The following WDR17 variants were observed in gnomAD, a reference collection of about 807,000 sequenced individuals.
WDR17 encodes the protein WD repeat domain 17.
A neutral mutation model predicts 161.7 loss-of-function variants in WDR17; 143 were observed. That is an observed-to-expected ratio of 0.88 (90% CI 0.77 to 1.02). WDR17 has a LOEUF of 1.02. WDR17 is among the 50% of genes least tolerant of loss of function. The pLI, the probability that WDR17 is intolerant of heterozygous loss-of-function variation, is 0.00. For missense variants in WDR17, 1,469 were observed against 1,520.9 expected, an observed-to-expected ratio of 0.97 and a Z score of 0.57; for synonymous variants, 517 against 515.6, an observed-to-expected ratio of 1.00 and a Z score of -0.04.
chr4:176,104,998 A>ACTATTTGTG (rs1191148671), intron 1 of WDR17, among the ~76,000 whole-genome samples: 1 of 152,002 alleles, frequency 6.6e-6, no homozygotes, highest in African/African-American at 2.4e-5. Flanking sequence ...TTCACTTGAG[A>ACTATTTGTG]TCCAAAGACA....
Position 176,163,288 on chromosome 4 carries a change from AG to A in WDR17, c.2986del (p.Val996TyrfsTer10), listed in dbSNP as rs1444853375. ...LLARKCMMIS[V>X]WNLAADLLLM... is the part of the protein sequence containing the mutation. ...TGGCGAGAAAGTGCATGATGATTTC[AG>A]TATGGTAAGAATTTTGAAATTCAAA... On this transcript the variant is annotated frameshift_variant, in exon 22 of 29. Transcript: ENST00000508596. LOFTEE classifies it high-confidence loss of function. The A allele has an allele frequency of 1.9e-6, 3 of 1,598,908 alleles. No homozygotes were observed. The highest frequency in any genetic ancestry group is 2.6e-6 in the Non-Finnish European group (3 of 1,175,630).
At chr4:176,118,235 T>C (rs1740948086) in intron 3 of WDR17, among the ~76,000 whole-genome samples, 1 of 152,182 alleles carries the variant, frequency 6.6e-6, no homozygotes, top group Non-Finnish European at 1.5e-5. Flanking sequence ...GTGTTTTCTA[T>C]TATTATTATA....
chr4:176,074,815 T>TG (rs1216146392), intron 1 of WDR17, among the ~76,000 whole-genome samples: 1,609 of 146,670 alleles, frequency 0.011, 13 homozygotes, highest in Non-Finnish European at 0.018. Context: ...TAATGCTTTT[T>TG]TTTTTTTTTT....
At chr4:176,158,930 TTCTA>T (rs1748573017) in intron 18 of WDR17, among the ~76,000 whole-genome samples, 1 of 152,186 alleles carries the variant, frequency 6.6e-6, no homozygotes, top group Non-Finnish European at 1.5e-5. Context: ...AGATTATTAT[TTCTA>T]ACCAGCTTCT....
intron 1 of WDR17, among the ~76,000 whole-genome samples, chr4:176,076,756 A>G (rs1398623098): frequency 6.6e-6 from 1 of 151,914 alleles, no homozygotes; most frequent in Non-Finnish European, 1.5e-5. Flanking sequence ...CTTAGCTGAT[A>G]GTATGTTCAT....
rs1749285461 is a variant in WDR17, at chr4:176,163,144, A to G, written c.2851-10A>G. 3 of 1,614,076 alleles carry G rather than the reference A, an allele frequency of 1.9e-6. No homozygotes were observed. The highest frequency in any genetic ancestry group is 2.5e-6 in the Non-Finnish European group (3 of 1,179,966). On this transcript the variant is annotated splice_polypyrimidine_tract_variant and intron_variant, in intron 21 of 28. Coordinates refer to ENST00000508596, the MANE Select transcript of WDR17 (RefSeq NM_181265.4). ...ATGCAACTGAAGAAATTATTTTCTT[A>G]TTGAGCAAGCTTGCTATGGCATACC...
rs1401283572 is a variant in WDR17 at position 176,128,782 on chromosome 4, A to G, written c.835A>G (p.Thr279Ala). 2.5e-6 allele frequency: 4 copies of G among 1,605,594 alleles called. No individual in the cohort carries two copies. The highest frequency in any genetic ancestry group is 2.5e-6 in the Non-Finnish European group (3 of 1,176,904). Residue 279 changes from threonine (T) to alanine (A), a missense_variant, in exon 6 of 29, where the codon ACA becomes GCA. Coordinates refer to ENST00000508596, the MANE Select transcript of WDR17 (RefSeq NM_181265.4). ...ACGCATTTGGAATGTTTCAAGAACA[A>G]CACCTATTGATAATCTTAAATTAAA... is the stretch of plus-strand genomic sequence containing the variant. Reference protein sequence around the residue: ...VLRIWNVSRTTPIDNLKLKKT... With the variant: ...VLRIWNVSRTAPIDNLKLKKT...
chr4:176,130,642 G>A (rs1362368252), intron 6 of WDR17, among the ~76,000 whole-genome samples: 2 of 151,742 alleles, frequency 1.3e-5, no homozygotes, highest in Non-Finnish European at 1.5e-5. Flanking sequence ...CTACTGGGGA[G>A]GCTGAGGCAA....
chr4:176,150,376 A>G lies in WDR17; in HGVS notation c.2179-92A>G. Reference sequence around the variant, plus strand: ...AGTTATTTTGTTAATTTTTAAATTTAGATATGCCTGCATTATAATATTTTT... The same window carrying G: ...AGTTATTTTGTTAATTTTTAAATTTGGATATGCCTGCATTATAATATTTTT... On this transcript the variant is annotated intron_variant, in intron 15 of 28. Coordinates refer to ENST00000508596, the MANE Select transcript of WDR17 (RefSeq NM_181265.4). The G allele has an allele frequency of 3.3e-6, 5 of 1,494,184 alleles. No individual in the cohort carries two copies. The South Asian group carries it at 5.6e-5, about 17-fold the overall frequency. 92.6% of individuals were successfully genotyped at this position (1,494,184 alleles called of 1,614,324 possible). A position where few individuals can be genotyped will look rare whatever the true frequency, so the allele number is the denominator to read the frequency against.
Position 176,134,258 on chromosome 4 carries a change from T to C in WDR17, c.1099-850T>C, listed in dbSNP as rs181363160. ...TTCTTCTCTACCCTTATTCTATTTGTTGAGGACTAGAAAACCCTGTCTTTG... is the reference window on the plus strand; with the variant it reads ...TTCTTCTCTACCCTTATTCTATTTGCTGAGGACTAGAAAACCCTGTCTTTG... On this transcript the variant is annotated intron_variant, in intron 7 of 28. Coordinates refer to ENST00000508596, the MANE Select transcript of WDR17 (RefSeq NM_181265.4). Among the ~76,000 whole-genome samples the C allele has an allele frequency of 1.5e-3, 227 of 151,898 alleles. 1 individual carries two copies. Among genetic ancestry groups the C allele is most frequent in the African/African-American group, 5.1e-3 (213 of 41,552 alleles).
intron 5 of WDR17, among the ~76,000 whole-genome samples, chr4:176,127,272 T>C (rs1742596715): frequency 6.6e-6 from 1 of 151,766 alleles, no homozygotes; most frequent in Admixed American, 6.6e-5. Flanking sequence ...CTTTTCAGGA[T>C]ATAATTAATA....
At chr4:176,135,073 T>C in intron 7 of WDR17, 35 bp from the exon 8 acceptor site, 1 of 1,600,154 alleles carries the variant, frequency 6.2e-7, no homozygotes, top group East Asian at 2.2e-5. Flanking sequence ...TGAATTTTCC[T>C]CAATAATTAT....
chr4:176,171,018 A>G (rs1401378765), intron 23 of WDR17, among the ~76,000 whole-genome samples: 1 of 152,184 alleles, frequency 6.6e-6, no homozygotes, highest in Non-Finnish European at 1.5e-5. Flanking sequence ...ATCTAACACA[A>G]AGCCTATTTC....
At chr4:176,130,573 T>G (rs1200697529) in intron 6 of WDR17, among the ~76,000 whole-genome samples, 1 of 148,538 alleles carries the variant, frequency 6.7e-6, no homozygotes, top group East Asian at 2.0e-4. Flanking sequence ...TGAAACCCTG[T>G]CTCTACTAAA....
chr4:176,162,595 T>A (rs1490900824), intron 21 of WDR17, among the ~76,000 whole-genome samples: 2 of 152,170 alleles, frequency 1.3e-5, no homozygotes, highest in Non-Finnish European at 2.9e-5. Context: ...AATACCTCCC[T>A]TACCTATTTC....
chr4:176,072,282 C>T (rs1317594454), intron 1 of WDR17, among the ~76,000 whole-genome samples: 1 of 152,316 alleles, frequency 6.6e-6, no homozygotes, highest in South Asian at 2.1e-4. Flanking sequence ...GACAATTTTT[C>T]TTCCAACTCA....
rs142281028 is a variant in WDR17, at chr4:176,152,197, A to G, written c.2460+230A>G. On this transcript the variant is annotated intron_variant, in intron 17 of 28. Coordinates refer to ENST00000508596, the MANE Select transcript of WDR17 (RefSeq NM_181265.4). ...ATGGTGGTGTGCACTTGGGAAGCTA[A>G]GATGAGAGGATCAGTTGAGCCCAGG... 5.0e-3 allele frequency among the ~76,000 whole-genome samples: 759 copies of G among 150,832 alleles called. 5 individuals carry two copies. Among genetic ancestry groups the G allele is most frequent in the Non-Finnish European group, 8.2e-3 (553 of 67,766 alleles).
chr4:176,081,781 C>G (rs1282581851), intron 1 of WDR17, among the ~76,000 whole-genome samples: 1 of 152,124 alleles, frequency 6.6e-6, no homozygotes, highest in Admixed American at 6.6e-5. Flanking sequence ...ACTTGTATCT[C>G]CTTAGCTGAA....
intron 1 of WDR17, among the ~76,000 whole-genome samples, chr4:176,083,454 A>G (rs537046791): frequency 2.0e-5 from 3 of 152,112 alleles, no homozygotes; most frequent in Non-Finnish European, 4.4e-5. Context: ...CTTTGTATTC[A>G]TGGAATACAG....
Sources: gnomAD v4.1 joint callset for allele counts (sites outside exome capture counted in the v4.1 genomes callset) on GRCh38, gnomAD v4.1.1 for gene constraint, MANE v1.5 for transcripts, NCBI Gene and HGNC (gene_info 2026-07-23, HGNC 2026-07-21) for gene names.